The following ARMC10 variants were observed in gnomAD, a reference collection of about 807,000 sequenced individuals.
The protein encoded by ARMC10 is armadillo repeat containing 10, also known as armadillo repeat-containing protein 10.
A neutral mutation model predicts 30.2 loss-of-function variants in ARMC10; 23 were observed. That is an observed-to-expected ratio of 0.76 (90% confidence interval 0.55 to 1.08). The LOEUF (loss-of-function observed/expected upper bound fraction) is 1.08, where lower values mean the gene tolerates loss of function less well. ARMC10 is among the 50% of genes least tolerant of loss of function. The pLI, the probability that ARMC10 is intolerant of heterozygous loss-of-function variation, is 0.00. For missense variants in ARMC10, 303 were observed against 413.7 expected (o/e 0.73, Z 2.32); for synonymous variants, 111 against 164.4 (o/e 0.68, Z 2.48).
At chr7:103,091,857 AC>A (rs1310687686) in intron 4 of ARMC10, among the ~76,000 whole-genome samples, 1 of 152,160 alleles carries the variant, frequency 6.6e-6, no homozygotes, top group Non-Finnish European at 1.5e-5. Flanking sequence ...TGGGCAGGGG[AC>A]CCGAGCTCTT....
chr7:103,085,853 G>T lies in ARMC10; in HGVS notation c.394-777G>T, dbSNP rs1255748569. Among the ~76,000 whole-genome samples the T allele has an allele frequency of 2.0e-5, 3 of 152,042 alleles. No homozygotes were observed. The East Asian group carries it at 5.8e-4, about 29-fold the overall frequency. On this transcript the variant is annotated intron_variant, in intron 3 of 6. Transcript: ENST00000323716. ...TGGTCTCTACCTCCTCACCTCAAGT[G>T]TTCCACTCATCTCGGCCTCCCAAAG...
At chr7:103,075,745 G>A (rs544393846) in intron 1 of ARMC10, 32 bp from the exon 2 acceptor site, 2 of 1,530,840 alleles carry the variant, frequency 1.3e-6, no homozygotes, top group South Asian at 2.4e-5. Context: ...CTGTTGAGGG[G>A]CCCAGAGCCA....
rs905715174 is a variant in ARMC10 at position 103,099,157 on chromosome 7, T to A, written c.*604T>A. On this transcript the variant is annotated 3_prime_UTR_variant, in exon 7 of 7. Transcript: ENST00000323716. The stretch of plus-strand genomic sequence containing the variant: ...ACAATGTCCATCTTTAGACAGTTGG[T>A]TAAATAAATTATCTGGTCTTTGAAA... The A allele has an allele frequency of 6.9e-6, 1 of 145,066 alleles. No individual in the cohort carries two copies. Among genetic ancestry groups the A allele is most frequent in the Non-Finnish European group, 1.5e-5 (1 of 65,976 alleles). 9.0% of individuals were successfully genotyped at this position (145,066 alleles called of 1,614,324 possible).
intron 2 of ARMC10, among the ~76,000 whole-genome samples, chr7:103,081,019 T>C (rs972820512): frequency 2.0e-5 from 3 of 152,242 alleles, no homozygotes; most frequent in Admixed American, 2.0e-4. Flanking sequence ...CCACTTTTGC[T>C]ATTATTAATC....
chr7:103,083,116 T>C (rs1425892436), intron 2 of ARMC10: 1 of 456,684 alleles, frequency 2.2e-6, no homozygotes, highest in Admixed American at 2.3e-5. Flanking sequence ...AGAAGCAAAA[T>C]GTTATCAGCA....
intron 4 of ARMC10, chr7:103,087,900 C>T: frequency 2.4e-6 from 1 of 416,022 alleles, no homozygotes; most frequent in African/African-American, 2.2e-5. Flanking sequence ...GCAGACCATT[C>T]TTAATGTATC....
At chr7:103,091,010 G>A (rs1262054175) in intron 4 of ARMC10, among the ~76,000 whole-genome samples, 1 of 152,188 alleles carries the variant, frequency 6.6e-6, no homozygotes, top group African/African-American at 2.4e-5. Flanking sequence ...ATTGTTTATG[G>A]GACAATTGGT....
At chr7:103,087,228 A>G (rs1300991774) in intron 4 of ARMC10, among the ~76,000 whole-genome samples, 2 of 152,224 alleles carry the variant, frequency 1.3e-5, no homozygotes, top group Non-Finnish European at 2.9e-5. Flanking sequence ...GTATGAGTGT[A>G]TTGCAAAGTG....
At position 103,075,807 on chromosome 7, in the gene ARMC10, A is replaced by G; in HGVS notation, c.170A>G (p.Gln57Arg). 1.2e-6 allele frequency: 2 copies of G among 1,610,860 alleles called. No individual in the cohort carries two copies. The highest frequency in any genetic ancestry group is 1.7e-6 in the Non-Finnish European group (2 of 1,178,704). ...CTGGAAGAAGGGACGTCAGAGGGTC[A>G]GTTGTGCGGGCGCTCGGCCCGGCCT... ...GALEEGTSEG[Q>R]LCGRSARPQT... Residue 57 changes from glutamine to arginine, a missense_variant, in exon 2 of 7, where the codon CAG (glutamine) becomes CGG (arginine). Around this residue, in one of 4 missense-constraint regions of ARMC10, gnomAD observed 96 missense variants for 84.2 expected, o/e 1.14. Transcript: ENST00000323716.
At position 103,092,595 on chromosome 7, in the gene ARMC10, T is replaced by C; in HGVS notation, c.647T>C (p.Leu216Pro). Reference protein sequence around the residue: ...MTVTNDHQHMLHSYITDLFQV... With the variant: ...MTVTNDHQHMPHSYITDLFQV... ...GTTACCAATGACCACCAGCACATGC[T>C]TCACAGTTACATTACAGACCTGTTC... The change falls in exon 5 of 7, where the codon CTT (leucine) becomes CCT (proline). Residue 216 changes from leucine (L) to proline (P), a missense_variant. By Grantham distance (98) the Leu-to-Pro change is moderately conservative (BLOSUM62 -3). Coordinates refer to ENST00000323716, the MANE Select transcript of ARMC10 (RefSeq NM_031905.5). The C allele has an allele frequency of 3.1e-6, 5 of 1,608,526 alleles. No homozygotes were observed. Among genetic ancestry groups the C allele is most frequent in the Non-Finnish European group, 3.4e-6 (4 of 1,175,482 alleles).
chr7:103,096,254 A>G (rs933202951), intron 5 of ARMC10: 1 of 152,152 alleles, frequency 6.6e-6, no homozygotes, highest in African/African-American at 2.4e-5. Context: ...AATCCTAGTT[A>G]CTTTGGGAGG....
chr7:103,098,263 T>C, intron 6 of ARMC10, 36 bp from the exon 7 acceptor site: 2 of 1,288,600 alleles, frequency 1.6e-6, no homozygotes, highest in Non-Finnish European at 2.0e-6. Flanking sequence ...TCATATATTA[T>C]TAATATAAAA....
intron 2 of ARMC10, among the ~76,000 whole-genome samples, chr7:103,079,412 G>A (rs1052516845): frequency 6.6e-6 from 1 of 152,174 alleles, no homozygotes. Flanking sequence ...ATGTTCTTAA[G>A]TTGATCAAGT....
chr7:103,077,804 A>G (rs564499667), intron 2 of ARMC10, among the ~76,000 whole-genome samples: 4 of 152,338 alleles, frequency 2.6e-5, no homozygotes, highest in Admixed American at 2.0e-4. Flanking sequence ...TACTGACTCA[A>G]TCTGATGAAT....
At chr7:103,088,186 C>T (rs1413168287) in intron 4 of ARMC10, among the ~76,000 whole-genome samples, 1 of 152,120 alleles carries the variant, frequency 6.6e-6, no homozygotes, top group Non-Finnish European at 1.5e-5. Context: ...TCTTGCCCTT[C>T]CACAAGACGT....
intron 4 of ARMC10, chr7:103,086,985 A>G (rs1800921045): frequency 1.6e-6 from 2 of 1,283,008 alleles, no homozygotes; most frequent in South Asian, 2.6e-5. Context: ...TTTATTCTAC[A>G]GGTTATCCTC....
At chr7:103,098,070 T>G (rs1424928847) in intron 6 of ARMC10, among the ~76,000 whole-genome samples, 4 of 152,170 alleles carry the variant, frequency 2.6e-5, no homozygotes, top group Admixed American at 6.6e-5. Context: ...AACACTCCCT[T>G]TTTTCCATTA....
intron 2 of ARMC10, among the ~76,000 whole-genome samples, chr7:103,076,961 G>A (rs566967555): frequency 6.6e-6 from 1 of 152,236 alleles, no homozygotes; most frequent in Non-Finnish European, 1.5e-5. Flanking sequence ...AATCACAGCT[G>A]CAGCGGCGCA....
chr7:103,086,425 AATC>A, intron 3 of ARMC10, among the ~76,000 whole-genome samples: 1 of 152,244 alleles, frequency 6.6e-6, no homozygotes, highest in Middle Eastern at 3.4e-3. Flanking sequence ...ATATCTTAAT[AATC>A]TTATTTTCAA....
Sources: allele counts gnomAD v4.1 joint callset (sites outside exome capture counted in the v4.1 genomes callset), GRCh38; gene constraint gnomAD v4.1.1; regional missense constraint gnomAD v4.1.1; transcripts MANE v1.5; gene names NCBI Gene and HGNC (gene_info 2026-07-23, HGNC 2026-07-21).